Variants in IL17F observed in about 807,000 individuals in gnomAD.
The protein encoded by IL17F is interleukin-17F.
Under a neutral mutation model 8.3 loss-of-function variants are expected in IL17F, and 6 were observed. That is an observed-to-expected ratio of 0.73 (90% CI 0.40 to 1.43). The LOEUF (loss-of-function observed/expected upper bound fraction) is 1.43. IL17F is among the 40% of genes most tolerant of loss of function. IL17F has a pLI of 0.02. For missense variants in IL17F, 204 were observed against 209.6 expected, an observed-to-expected ratio of 0.97 and a Z score of 0.17; for synonymous variants, 98 against 81.6, an observed-to-expected ratio of 1.20 and a Z score of -1.08.
At position 52,238,851 on chromosome 6, in the gene IL17F, C is replaced by T. The variant is rs1238529220; in HGVS notation, c.133G>A (p.Glu45Lys). ...CCTCCTGGCACAGGCGGGCAACTCT[C>T]AGGCTTTTGGAAAAAAGTATGTCCT... ...KVGHTFFQKP[E>K]SCPPVPGGSM... Residue 45 changes from glutamate to lysine, a missense_variant, in exon 2 of 3, where the codon GAG becomes AAG. Physicochemically the swap from Glu to Lys is moderately conservative, Grantham distance 56. Coordinates refer to ENST00000336123, the MANE Select transcript of IL17F (RefSeq NM_052872.4). 2 of 1,614,072 alleles carry T rather than the reference C, an allele frequency of 1.2e-6. No homozygotes were observed. The highest frequency in any genetic ancestry group is 1.7e-6 in the Non-Finnish European group (2 of 1,179,934).
At chr6:52,239,073 C>A in intron 1 of IL17F, 123 bp from the exon 2 acceptor site, 1 of 840,322 alleles carries the variant, frequency 1.2e-6, no homozygotes, top group Non-Finnish European at 2.0e-6. Context: ...CTTTGCACCT[C>A]AGTTCCTCAC....
intron 1 of IL17F, among the ~76,000 whole-genome samples, chr6:52,242,719 C>T (rs952242648): frequency 1.3e-5 from 2 of 152,182 alleles, no homozygotes; most frequent in African/African-American, 4.8e-5. Context: ...TTTTGTTCAT[C>T]TGTATAAAGT....
At chr6:52,244,374 C>T in intron 1 of IL17F, 23 bp downstream of exon 1, 2 of 1,611,992 alleles carry the variant, frequency 1.2e-6, no homozygotes, top group Non-Finnish European at 1.7e-6. Context: ...AGTCCTTAAA[C>T]CAGAATGATT....
chr6:52,236,993 C>G lies in IL17F; in HGVS notation c.430G>C (p.Glu144Gln). The G allele has an allele frequency of 6.2e-7, 1 of 1,614,208 alleles. No individual in the cohort carries two copies. Among genetic ancestry groups the G allele is most frequent in the South Asian group, 1.1e-5 (1 of 91,078 alleles). ...HQGCSVSFQL[E>Q]KVLVTVGCTC... ...CAGCCAACAGTCACCAGCACCTTCT[C>G]CAACTGGAAAGAAACAGAGCAGCCT... Residue 144 changes from glutamate (E) to glutamine (Q), a missense_variant, in exon 3 of 3, where the codon GAG becomes CAG. Coordinates refer to ENST00000336123, the MANE Select transcript of IL17F (RefSeq NM_052872.4).
chr6:52,244,253 C>A, intron 1 of IL17F, 144 bp downstream of exon 1: 1 of 837,940 alleles, frequency 1.2e-6, no homozygotes, highest in South Asian at 1.4e-5. Flanking sequence ...TTTTCTCCAC[C>A]AGACAGGAGT....
rs1336113595 is a variant in IL17F, at chr6:52,237,155, G to T, written c.268C>A (p.Pro90Thr). Residue 90 changes from proline (P) to threonine (T), a missense_variant, in exon 3 of 3, where the codon CCC (proline) becomes ACC (threonine). Coordinates refer to ENST00000336123, the MANE Select transcript of IL17F (RefSeq NM_052872.4). ...ACAACTTCCGAGGGGTACCGGTTGGGGTCCCAAGTGACACTGCAGGAGGAG... is the reference window on the plus strand; with the variant it reads ...ACAACTTCCGAGGGGTACCGGTTGGTGTCCCAAGTGACACTGCAGGAGGAG... ...SPWNYTVTWD[P>T]NRYPSEVVQA... 4 of 1,613,798 alleles carry T rather than the reference G, an allele frequency of 2.5e-6. No homozygotes were observed. Among genetic ancestry groups the T allele is most frequent in the Non-Finnish European group, 3.4e-6 (4 of 1,179,878 alleles).
At chr6:52,237,452 G>A (rs576589095) in intron 2 of IL17F, among the ~76,000 whole-genome samples, 7 of 152,166 alleles carry the variant, frequency 4.6e-5, no homozygotes, top group Non-Finnish European at 8.8e-5. Context: ...ATACCCCACT[G>A]TACAAATGTT....
chr6:52,245,592 C>G (rs939438948), upstream of IL17F, among the ~76,000 whole-genome samples: 1 of 152,180 alleles, frequency 6.6e-6, no homozygotes, highest in African/African-American at 2.4e-5. Context: ...GGTGCACCAC[C>G]CTCCCAGCAC....
At chr6:52,244,147 G>A (rs1426982576) in intron 1 of IL17F, among the ~76,000 whole-genome samples, 3 of 151,730 alleles carry the variant, frequency 2.0e-5, no homozygotes, top group Non-Finnish European at 2.9e-5. Context: ...CGCCCGCCTT[G>A]GCCTCCTAAA....
intron 1 of IL17F, among the ~76,000 whole-genome samples, chr6:52,242,270 C>A (rs1764088068): frequency 6.6e-6 from 1 of 152,190 alleles, no homozygotes; most frequent in Non-Finnish European, 1.5e-5. Flanking sequence ...CCTTCTCAGC[C>A]TAGCTTTGCA....
At chr6:52,242,721 G>A (rs984796794) in intron 1 of IL17F, among the ~76,000 whole-genome samples, 2 of 152,180 alleles carry the variant, frequency 1.3e-5, no homozygotes, top group Non-Finnish European at 2.9e-5. Context: ...TTGTTCATCT[G>A]TATAAAGTGG....
At chr6:52,244,357 G>A in intron 1 of IL17F, 40 bp downstream of exon 1, 1 of 1,597,116 alleles carries the variant, frequency 6.3e-7, no homozygotes, top group Non-Finnish European at 8.6e-7. Flanking sequence ...GAAATCCTAG[G>A]CATGACAGTC....
chr6:52,244,554 G>T, upstream of IL17F: 1 of 914,636 alleles, frequency 1.1e-6, no homozygotes, highest in South Asian at 1.3e-5. Context: ...TGTTTCGATT[G>T]ACCTGCTTAC....
Position 52,244,377 on chromosome 6 carries a change from G to C in IL17F, c.33+20C>G, listed in dbSNP as rs778821934. 3 of 1,612,150 alleles carry C rather than the reference G, an allele frequency of 1.9e-6. No individual in the cohort carries two copies. The highest frequency in any genetic ancestry group is 2.5e-6 in the Non-Finnish European group (3 of 1,178,368). ...CCTAGGCATGACAGTCCTTAAACCA[G>C]AATGATTGCTGCTACTCACCATGGC... On this transcript the variant is annotated intron_variant, in intron 1 of 2. Coordinates refer to ENST00000336123, the MANE Select transcript of IL17F (RefSeq NM_052872.4).
chr6:52,245,272 G>C (rs1453323854), upstream of IL17F, among the ~76,000 whole-genome samples: 2 of 152,198 alleles, frequency 1.3e-5, no homozygotes, highest in Non-Finnish European at 2.9e-5. Context: ...GGTAGGTAGA[G>C]TCAGATCCCA....
At chr6:52,237,471 A>G (rs1032397135) in intron 2 of IL17F, among the ~76,000 whole-genome samples, 1 of 152,192 alleles carries the variant, frequency 6.6e-6, no homozygotes, top group African/African-American at 2.4e-5. Flanking sequence ...TTAGCATTCA[A>G]TTAACATTAG....
upstream of IL17F, among the ~76,000 whole-genome samples, chr6:52,245,016 T>C (rs1261767319): frequency 2.6e-5 from 4 of 152,228 alleles, no homozygotes; most frequent in African/African-American, 9.6e-5. Flanking sequence ...AGTTTTGTTA[T>C]CTCCCTGAAC....
Position 52,236,881 on chromosome 6 carries a change from G to C in IL17F, c.*50C>G. 7.0e-7 allele frequency: 1 copy of C among 1,434,430 alleles called. No individual in the cohort carries two copies. Among genetic ancestry groups the C allele is most frequent in the South Asian group, 1.1e-5 (1 of 87,258 alleles). 88.9% of individuals were successfully genotyped at this position (1,434,430 alleles called of 1,614,324 possible). On this transcript the variant is annotated 3_prime_UTR_variant, in exon 3 of 3. Coordinates refer to ENST00000336123, the MANE Select transcript of IL17F (RefSeq NM_052872.4). ...GACAGGACTTGTTGCAGAGCACTGG[G>C]TAAGGAGTGGCATTTCTACAGCTTC...
chr6:52,238,663 C>T, intron 2 of IL17F, 67 bp downstream of exon 2: 1 of 1,331,054 alleles, frequency 7.5e-7, no homozygotes. Flanking sequence ...ACATTTTCTA[C>T]TTTATGATTA....
Sources: allele counts gnomAD v4.1 joint callset (sites outside exome capture counted in the v4.1 genomes callset), GRCh38; gene constraint gnomAD v4.1.1; transcripts MANE v1.5; gene names NCBI Gene and HGNC (gene_info 2026-07-23, HGNC 2026-07-21).